Variants in COL25A1 observed in about 807,000 individuals in gnomAD.
COL25A1 encodes the protein collagen alpha-1(XXV) chain.
Under a neutral mutation model 128.4 loss-of-function variants are expected in COL25A1, and 103 were observed. The observed-to-expected ratio is 0.80, with a 90% confidence interval of 0.68 to 0.94. COL25A1 has a LOEUF of 0.94. COL25A1 is among the 40% of genes least tolerant of loss of function. The pLI, the probability that COL25A1 is intolerant of heterozygous loss-of-function variation, is 0.00. For missense variants in COL25A1, 745 were observed against 840.0 expected, an observed-to-expected ratio of 0.89 and a Z score of 1.40; for synonymous variants, 279 against 277.2, an observed-to-expected ratio of 1.01 and a Z score of -0.06.
At chr4:109,055,765 A>G (rs922374377) in intron 3 of COL25A1, among the ~76,000 whole-genome samples, 1 of 152,214 alleles carries the variant, frequency 6.6e-6, no homozygotes, top group Non-Finnish European at 1.5e-5. Flanking sequence ...TTAAAGGGGC[A>G]CTGTCTATGA....
intron 3 of COL25A1, among the ~76,000 whole-genome samples, chr4:109,084,036 C>T (rs1054990478): frequency 6.6e-6 from 1 of 152,086 alleles, no homozygotes; most frequent in South Asian, 2.1e-4. Flanking sequence ...CTACACAAGA[C>T]TCATTTTGTG....
chr4:108,859,436 G>A (rs773709608), intron 24 of COL25A1, among the ~76,000 whole-genome samples: 35 of 152,106 alleles, frequency 2.3e-4, no homozygotes, highest in Non-Finnish European at 4.4e-4. Context: ...ATCTGAAGGT[G>A]GAAGGGAAAG....
At chr4:108,887,445 C>T (rs1212415566) in intron 18 of COL25A1, among the ~76,000 whole-genome samples, 2 of 152,094 alleles carry the variant, frequency 1.3e-5, no homozygotes, top group Non-Finnish European at 2.9e-5. Context: ...TAAGTATTGC[C>T]AAGTCCCGAT....
At position 109,218,626 on chromosome 4, in the gene COL25A1, T is replaced by C. The variant is rs191981459; in HGVS notation, c.367+81957A>G. ...TAGGAATATGTTGGGTAAATATTCT[T>C]ACCCAATGAACTGCTTTTGAACACT... On this transcript the variant is annotated intron_variant, in intron 3 of 37. Transcript: ENST00000399132. 2.8e-3 allele frequency among the ~76,000 whole-genome samples: 422 copies of C among 152,088 alleles called. 3 individuals are homozygous for C. The highest frequency in any genetic ancestry group is 0.017 in the Middle Eastern group (5 of 294).
intron 3 of COL25A1, among the ~76,000 whole-genome samples, chr4:109,172,981 A>G (rs1021427515): frequency 7.9e-5 from 12 of 152,320 alleles, no homozygotes; most frequent in African/African-American, 2.9e-4. Flanking sequence ...CATTCTATCT[A>G]GCAGTTTGCA....
chr4:108,899,263 A>T (rs1742538470), intron 14 of COL25A1, 83 bp from the exon 15 acceptor site: 1 of 1,255,714 alleles, frequency 8.0e-7, no homozygotes, highest in Admixed American at 2.1e-5. Flanking sequence ...ACAGATATTG[A>T]ACTTACTAGG....
intron 3 of COL25A1, among the ~76,000 whole-genome samples, chr4:109,064,291 G>A (rs1165979474): frequency 2.0e-5 from 3 of 152,150 alleles, no homozygotes; most frequent in Non-Finnish European, 4.4e-5. Flanking sequence ...CTTTTAACAC[G>A]ATATGCACAG....
chr4:109,276,585 A>G (rs187335025), intron 3 of COL25A1, among the ~76,000 whole-genome samples: 78 of 152,204 alleles, frequency 5.1e-4, no homozygotes, highest in Admixed American at 2.3e-3. Context: ...CCTTAGCAGG[A>G]TCTCCAACAG....
intron 3 of COL25A1, among the ~76,000 whole-genome samples, chr4:109,289,848 T>C (rs1466667766): frequency 1.3e-5 from 2 of 151,966 alleles, no homozygotes; most frequent in African/African-American, 2.4e-5. Flanking sequence ...GTTAGGGCAA[T>C]GCTTGTTGAT....
At chr4:108,957,116 T>A (rs995014710) in intron 8 of COL25A1, among the ~76,000 whole-genome samples, 8 of 152,162 alleles carry the variant, frequency 5.3e-5, no homozygotes, top group Middle Eastern at 6.4e-3. Context: ...CAGGTAGGTT[T>A]TATCCCAAAC....
intron 3 of COL25A1, among the ~76,000 whole-genome samples, chr4:109,274,727 T>C (rs1722640843): frequency 6.6e-6 from 1 of 152,220 alleles, no homozygotes; most frequent in Admixed American, 6.6e-5. Context: ...AATGACATTT[T>C]ATATATAACT....
chr4:109,237,078 G>T (rs1290496645), intron 3 of COL25A1, among the ~76,000 whole-genome samples: 1 of 151,942 alleles, frequency 6.6e-6, no homozygotes, highest in African/African-American at 2.4e-5. Flanking sequence ...AGTTGAACAT[G>T]CTAAAAAGCC....
intron 5 of COL25A1, among the ~76,000 whole-genome samples, chr4:109,033,802 A>C (rs541364211): frequency 6.6e-6 from 1 of 152,292 alleles, no homozygotes; most frequent in South Asian, 2.1e-4. Flanking sequence ...TCAATCTTAT[A>C]TCATTACATA....
intron 3 of COL25A1, among the ~76,000 whole-genome samples, chr4:109,093,472 A>AAAAAAAAAAC (rs765991576): frequency 0.058 from 8,442 of 144,322 alleles, 290 homozygotes; most frequent in African/African-American, 0.07. Context: ...AAAAAAAAAA[A>AAAAAAAAAAC]AAAACCTTTT....
In COL25A1 at chr4:109,010,398, A is replaced by T. The variant is rs770275595; in HGVS notation, c.421-23T>A. The T allele has an allele frequency of 1.9e-6, 3 of 1,539,298 alleles. No homozygotes were observed. In the South Asian group the frequency reaches 3.7e-5, roughly 19 times the overall value. On this transcript the variant is annotated intron_variant, in intron 5 of 37. Transcript: ENST00000399132. ...TCCCTGAAATTAAAAAGAAAAAGAA[A>T]AACAATTACAAAATTGTATCCTAAG...
chr4:108,987,818 T>C (rs1753797687), intron 6 of COL25A1, among the ~76,000 whole-genome samples: 1 of 152,180 alleles, frequency 6.6e-6, no homozygotes, highest in South Asian at 2.1e-4. Context: ...ACCTCCCCCA[T>C]AAGCTCACAA....
rs35873529 is a variant in COL25A1 at position 108,855,191 on chromosome 4, G to GTTTTT, written c.1321-2271_1321-2267dup. Among the ~76,000 whole-genome samples the GTTTTT allele has an allele frequency of 5.6e-4, 74 of 131,922 alleles. 2 individuals are homozygous for GTTTTT. The highest frequency in any genetic ancestry group is 4.3e-3 in the Middle Eastern group (1 of 234). The allele number at this position is 131,922 out of a possible 152,430, so 86.5% of individuals were successfully genotyped here. A position where few individuals can be genotyped will look rare whatever the true frequency, so the allele number is the denominator to read the frequency against. ...ATTTCTGATTTGAGCTGTTGTTACTGTTTTTTTTTTTTATTTTTTAAATTG... is the reference window on the plus strand; with the variant it reads ...ATTTCTGATTTGAGCTGTTGTTACTGTTTTTTTTTTTTTTTTTATTTTTTAAATTG... On this transcript the variant is annotated intron_variant, in intron 24 of 37. Coordinates refer to ENST00000399132, the MANE Select transcript of COL25A1 (RefSeq NM_198721.4).
At chr4:109,113,287 C>A (rs1767199676) in intron 3 of COL25A1, among the ~76,000 whole-genome samples, 1 of 152,032 alleles carries the variant, frequency 6.6e-6, no homozygotes, top group Non-Finnish European at 1.5e-5. Context: ...CACCAATGTG[C>A]AAACCAGACC....
intron 6 of COL25A1, among the ~76,000 whole-genome samples, chr4:108,994,106 G>C (rs936742857): frequency 7.2e-5 from 11 of 152,146 alleles, no homozygotes; most frequent in African/African-American, 2.7e-4. Flanking sequence ...GGACTGGTTG[G>C]GCAGTGGGTG....
Sources: allele counts gnomAD v4.1 joint callset (sites outside exome capture counted in the v4.1 genomes callset), GRCh38; gene constraint gnomAD v4.1.1; transcripts MANE v1.5; gene names NCBI Gene and HGNC (gene_info 2026-07-23, HGNC 2026-07-21).